SLC38A9: variants seen among roughly 807,000 people sequenced by gnomAD.
SLC38A9 encodes solute carrier family 38 member 9.
A neutral mutation model predicts 62.3 loss-of-function variants in SLC38A9; 48 were observed. The ratio of observed to expected loss-of-function variants is 0.77; its 90% CI spans 0.61 to 0.98. The LOEUF is 0.98. SLC38A9 is among the 50% of genes least tolerant of loss of function. The probability of loss-of-function intolerance (pLI) is 0.00; values close to 1 mark genes in which losing one functional copy is unlikely to be tolerated. For synonymous variants in SLC38A9, 204 were observed against 227.7 expected (o/e 0.90, Z 0.94); for missense variants, 541 against 679.8 (o/e 0.80, Z 2.27).
chr5:55,667,519 A>G (rs979503929), intron 7 of SLC38A9, among the ~76,000 whole-genome samples: 2 of 151,816 alleles, frequency 1.3e-5, no homozygotes, highest in Non-Finnish European at 2.9e-5. Flanking sequence ...ATTTCTTAAT[A>G]ATGAAACATC....
intron 2 of SLC38A9, among the ~76,000 whole-genome samples, chr5:55,706,869 A>C (rs559486887): frequency 6.6e-6 from 1 of 151,808 alleles, no homozygotes; most frequent in African/African-American, 2.4e-5. Context: ...TTTTGTGTAG[A>C]TGGTGCAAGT....
chr5:55,660,232 G>A (rs1166898688), intron 8 of SLC38A9, among the ~76,000 whole-genome samples: 1 of 151,850 alleles, frequency 6.6e-6, no homozygotes, highest in Non-Finnish European at 1.5e-5. Flanking sequence ...GCAACATGAC[G>A]AAACCTGTCT....
chr5:55,695,099 A>T (rs1192097470), intron 3 of SLC38A9, among the ~76,000 whole-genome samples: 1 of 152,064 alleles, frequency 6.6e-6, no homozygotes, highest in Non-Finnish European at 1.5e-5. Flanking sequence ...AAGTCCTAAG[A>T]GGTTATTGCA....
At chr5:55,662,165 C>T (rs1749689889) in intron 8 of SLC38A9, among the ~76,000 whole-genome samples, 2 of 152,110 alleles carry the variant, frequency 1.3e-5, no homozygotes, top group South Asian at 4.2e-4. Context: ...GAAATTCTCC[C>T]CCATGTATAC....
rs1252045387 is a variant in SLC38A9 at position 55,710,790 on chromosome 5, A to AT, written c.-35+661dup. Among the ~76,000 whole-genome samples the AT allele has an allele frequency of 8.7e-5, 13 of 148,876 alleles. No homozygotes were observed. In the East Asian group the frequency reaches 1.2e-3, roughly 14 times the overall value. ...GCCACCACACCTGGCTAATTTTGGT[A>AT]TTTTTTTTTAGTAGAGACGGGGTTT... On this transcript the variant is annotated intron_variant, in intron 2 of 15. Transcript: ENST00000396865.
At chr5:55,706,243 A>G (rs1757282300) in intron 2 of SLC38A9, among the ~76,000 whole-genome samples, 1 of 152,234 alleles carries the variant, frequency 6.6e-6, no homozygotes, top group South Asian at 2.1e-4. Flanking sequence ...GAGTAGCAAA[A>G]ACATATCTGC....
At chr5:55,667,210 G>GT (rs564841469) in intron 7 of SLC38A9, among the ~76,000 whole-genome samples, 2 of 121,376 alleles carry the variant, frequency 1.6e-5, no homozygotes, top group South Asian at 3.2e-4. Context: ...GTCTCTTCTA[G>GT]TTTTTATATT....
chr5:55,670,273 G>A (rs946308607), intron 4 of SLC38A9, among the ~76,000 whole-genome samples: 10 of 152,066 alleles, frequency 6.6e-5, no homozygotes, highest in African/African-American at 2.4e-4. Flanking sequence ...TGGCCCTCTA[G>A]ACACATTTTA....
intron 4 of SLC38A9, among the ~76,000 whole-genome samples, chr5:55,670,686 C>A (rs544865949): frequency 2.2e-4 from 34 of 152,244 alleles, no homozygotes; most frequent in African/African-American, 7.7e-4. Flanking sequence ...TATTTCCAGG[C>A]AAACAATATA....
At chr5:55,658,092 T>G (rs1020360870) in intron 8 of SLC38A9, 1 of 152,228 alleles carries the variant, frequency 6.6e-6, no homozygotes, top group Non-Finnish European at 1.5e-5. Flanking sequence ...TCTTTGTAGA[T>G]ACAATCAAGT....
chr5:55,678,187 G>C (rs114778621), intron 3 of SLC38A9, among the ~76,000 whole-genome samples: 1,491 of 148,578 alleles, frequency 0.01, 21 homozygotes, highest in African/African-American at 0.035. Flanking sequence ...GCCCAGGATG[G>C]AGAGCAGTGG....
At chr5:55,651,284 T>C (rs1179335883) in intron 10 of SLC38A9, among the ~76,000 whole-genome samples, 1 of 127,670 alleles carries the variant, frequency 7.8e-6, no homozygotes, top group Non-Finnish European at 1.6e-5. Flanking sequence ...AGAGTCTCAT[T>C]CTGTCACCCA....
chr5:55,635,540 T>A lies in SLC38A9; in HGVS notation c.1281+4A>T. The stretch of plus-strand genomic sequence containing the variant: ...TCACACAGAGAGGGTACACGGTGCC[T>A]TACCTGCTCAATACAATCTTTGGAT... On this transcript the variant is annotated splice_donor_region_variant and intron_variant, in intron 13 of 15. Coordinates refer to ENST00000396865, the MANE Select transcript of SLC38A9 (RefSeq NM_173514.4). The A allele has an allele frequency of 6.3e-7, 1 of 1,599,538 alleles. No individual in the cohort carries two copies. The highest frequency in any genetic ancestry group is 8.6e-7 in the Non-Finnish European group (1 of 1,166,866).
intron 2 of SLC38A9, among the ~76,000 whole-genome samples, chr5:55,708,235 T>C (rs1272457734): frequency 1.3e-5 from 2 of 152,050 alleles, no homozygotes; most frequent in Non-Finnish European, 2.9e-5. Flanking sequence ...GAGGCTGAGG[T>C]GAGAGAACTG....
At chr5:55,628,091 C>G (rs1337448150) in intron 14 of SLC38A9, 111 bp from the exon 15 acceptor site, 16 of 663,080 alleles carry the variant, frequency 2.4e-5, no homozygotes, top group Non-Finnish European at 3.9e-5. Context: ...ATCAAAATGT[C>G]TTAAGCTTGA....
chr5:55,643,756 G>A (rs74776918), intron 12 of SLC38A9, among the ~76,000 whole-genome samples: 2,496 of 152,230 alleles, frequency 0.016, 35 homozygotes, highest in Middle Eastern at 0.037. Context: ...TTGATGAACT[G>A]ATCCCTACAG....
At chr5:55,692,966 T>C (rs1754951234) in intron 3 of SLC38A9, 1 of 982,404 alleles carries the variant, frequency 1.0e-6, no homozygotes, top group Non-Finnish European at 1.2e-6. Flanking sequence ...TTTCCACCTC[T>C]AGTTTTAAGA....
intron 3 of SLC38A9, among the ~76,000 whole-genome samples, chr5:55,687,835 C>CTA (rs1170804121): frequency 2.0e-5 from 3 of 152,038 alleles, no homozygotes; most frequent in Non-Finnish European, 4.4e-5. Flanking sequence ...AGTGCTGGGA[C>CTA]TATAGGTGCG....
intron 3 of SLC38A9, among the ~76,000 whole-genome samples, chr5:55,688,790 C>T (rs936114892): frequency 6.6e-6 from 1 of 152,074 alleles, no homozygotes; most frequent in Non-Finnish European, 1.5e-5. Flanking sequence ...ATAAAAATAA[C>T]TCTCACTATA....
Sources: gnomAD v4.1 joint callset for allele counts (sites outside exome capture counted in the v4.1 genomes callset) on GRCh38, gnomAD v4.1.1 for gene constraint, MANE v1.5 for transcripts, NCBI Gene and HGNC (gene_info 2026-07-23, HGNC 2026-07-21) for gene names.